TAX1BP1: variants seen among roughly 807,000 people sequenced by gnomAD.
TAX1BP1 encodes Tax1 binding protein 1.
In TAX1BP1, 62 loss-of-function variants were observed where a neutral mutation model predicts 97.7. The observed-to-expected ratio is 0.63, with a 90% CI of 0.52 to 0.78. The LOEUF is 0.78. Ranked by LOEUF, TAX1BP1 falls within the 30% of genes least tolerant of loss-of-function variation. TAX1BP1 has a pLI of 0.00. For missense variants in TAX1BP1, 867 were observed against 916.1 expected, an observed-to-expected ratio of 0.95 and a Z score of 0.69; for synonymous variants, 340 against 304.2, an observed-to-expected ratio of 1.12 and a Z score of -1.23.
intron 8 of TAX1BP1, 118 bp from the exon 9 acceptor site, chr7:27,791,885 CATG>C: frequency 1.2e-6 from 1 of 823,010 alleles, no homozygotes. Flanking sequence ...CTCTGTAAGT[CATG>C]AGTAGAAAAA....
intron 3 of TAX1BP1, among the ~76,000 whole-genome samples, chr7:27,760,177 A>C (rs1330823995): frequency 1.3e-5 from 2 of 152,002 alleles, no homozygotes; most frequent in African/African-American, 2.4e-5. Flanking sequence ...ATGAAACCCC[A>C]AATCATTTCT....
At chr7:27,793,263 T>C in intron 10 of TAX1BP1, 51 bp downstream of exon 10, 2 of 1,462,330 alleles carry the variant, frequency 1.4e-6, no homozygotes, top group Non-Finnish European at 9.1e-7. Context: ...AGTATTTTTG[T>C]TCGAAAATCA....
At chr7:27,750,987 T>C (rs1787999089) in intron 2 of TAX1BP1, among the ~76,000 whole-genome samples, 1 of 152,202 alleles carries the variant, frequency 6.6e-6, no homozygotes, top group African/African-American at 2.4e-5. Context: ...CTTTCTGTTG[T>C]TTGAAACTCT....
At chr7:27,803,799 C>T (rs1790232409) in intron 13 of TAX1BP1, among the ~76,000 whole-genome samples, 1 of 152,138 alleles carries the variant, frequency 6.6e-6, no homozygotes, top group African/African-American at 2.4e-5. Context: ...ACGGAAAGTA[C>T]CCCTAAAGTT....
intron 2 of TAX1BP1, among the ~76,000 whole-genome samples, chr7:27,752,152 A>G (rs1313124383): frequency 2.0e-5 from 3 of 151,628 alleles, no homozygotes; most frequent in South Asian, 2.1e-4. Flanking sequence ...CTAATTTTCT[A>G]TGTGAGATAA....
At chr7:27,798,792 A>G (rs1218315422) in intron 12 of TAX1BP1, among the ~76,000 whole-genome samples, 2 of 150,980 alleles carry the variant, frequency 1.3e-5, no homozygotes, top group African/African-American at 2.4e-5. Context: ...TAATGACTTG[A>G]TGTTGAGCAT....
chr7:27,779,284 T>C (rs1789154804), intron 5 of TAX1BP1, among the ~76,000 whole-genome samples: 1 of 152,200 alleles, frequency 6.6e-6, no homozygotes, highest in African/African-American at 2.4e-5. Context: ...ACCACTGTGC[T>C]TGGCTCATAT....
At chr7:27,778,391 G>C (rs543481529) in intron 5 of TAX1BP1, among the ~76,000 whole-genome samples, 1 of 151,920 alleles carries the variant, frequency 6.6e-6, no homozygotes, top group Non-Finnish European at 1.5e-5. Flanking sequence ...GTAGCTGCTT[G>C]TACTTTATAT....
At position 27,793,080 on chromosome 7, in the gene TAX1BP1, A is replaced by G. The variant is rs757582108; in HGVS notation, c.1278A>G (p.Thr426=). The G allele has an allele frequency of 4.4e-6, 7 of 1,600,236 alleles. No individual in the cohort carries two copies. Among genetic ancestry groups the G allele is most frequent in the Admixed American group, 1.8e-5 (1 of 55,226 alleles). The change falls in exon 10 of 17, where the codon ACA becomes ACG. Residue 426 remains threonine, a synonymous_variant. Transcript: ENST00000396319. ...AMKKDQDKTD[T]LEHELRREVE... ...TTTCTTTCTAGGACAAGACTGATACACTGGAACACGAACTAAGAAGAGAAG... is the reference window on the plus strand; with the variant it reads ...TTTCTTTCTAGGACAAGACTGATACGCTGGAACACGAACTAAGAAGAGAAG...
At chr7:27,747,070 C>A (rs1292874778) in intron 1 of TAX1BP1, among the ~76,000 whole-genome samples, 2 of 152,134 alleles carry the variant, frequency 1.3e-5, no homozygotes, top group African/African-American at 4.8e-5. Context: ...GTAGAAACTT[C>A]ATTGATTTGT....
chr7:27,808,919 C>G (rs1378015906), intron 13 of TAX1BP1, among the ~76,000 whole-genome samples: 2 of 152,176 alleles, frequency 1.3e-5, no homozygotes, highest in African/African-American at 2.4e-5. Flanking sequence ...CCCAGGGATT[C>G]TTGACCATTT....
Position 27,793,221 on chromosome 7 carries a change from C to A in TAX1BP1, c.1410+9C>A, listed in dbSNP as rs1343983939. 3 of 1,562,978 alleles carry A rather than the reference C, an allele frequency of 1.9e-6. No homozygotes were observed. Among genetic ancestry groups the A allele is most frequent in the South Asian group, 1.2e-5 (1 of 82,718 alleles). Reference sequence around the variant, plus strand: ...AACTTTCAGATCAATCAGTAAGTATCATTAAATTTACACATAGTAAAATGT... The same window carrying A: ...AACTTTCAGATCAATCAGTAAGTATAATTAAATTTACACATAGTAAAATGT... On this transcript the variant is annotated intron_variant, in intron 10 of 16. Transcript: ENST00000396319.
intron 2 of TAX1BP1, among the ~76,000 whole-genome samples, chr7:27,753,420 A>T (rs1235045402): frequency 6.6e-6 from 1 of 152,216 alleles, no homozygotes; most frequent in Admixed American, 6.5e-5. Flanking sequence ...TGTGTTTATG[A>T]ATTTGATTTG....
intron 16 of TAX1BP1, among the ~76,000 whole-genome samples, chr7:27,828,424 A>C (rs1236997868): frequency 6.6e-6 from 1 of 152,172 alleles, no homozygotes; most frequent in Non-Finnish European, 1.5e-5. Context: ...TGTAAAATTG[A>C]ATTTAGAGGC....
chr7:27,823,068 A>G (rs1335616858), intron 15 of TAX1BP1, among the ~76,000 whole-genome samples: 1 of 152,146 alleles, frequency 6.6e-6, no homozygotes, highest in Non-Finnish European at 1.5e-5. Flanking sequence ...TTGCAAAATT[A>G]TTTTCTTTCT....
At chr7:27,747,140 A>G (rs1787852366) in intron 1 of TAX1BP1, among the ~76,000 whole-genome samples, 1 of 152,234 alleles carries the variant, frequency 6.6e-6, no homozygotes, top group Non-Finnish European at 1.5e-5. Flanking sequence ...CCATTATTAC[A>G]GAGATGCCTG....
chr7:27,817,355 C>T (rs971582357), intron 15 of TAX1BP1, among the ~76,000 whole-genome samples: 12 of 152,186 alleles, frequency 7.9e-5, no homozygotes, highest in Non-Finnish European at 1.5e-4. Flanking sequence ...CACTAAGTAA[C>T]TTACTATATT....
intron 5 of TAX1BP1, 74 bp downstream of exon 5, chr7:27,769,908 C>A: frequency 6.9e-7 from 1 of 1,442,736 alleles, no homozygotes; most frequent in Non-Finnish European, 9.5e-7. Flanking sequence ...AAGAGCTGAA[C>A]CAATTAAGTA....
intron 5 of TAX1BP1, among the ~76,000 whole-genome samples, chr7:27,776,525 C>G (rs1291769935): frequency 6.6e-6 from 1 of 151,814 alleles, no homozygotes; most frequent in African/African-American, 2.4e-5. Context: ...TATTTTTCTT[C>G]CTTTATATTT....
Sources: allele counts gnomAD v4.1 joint callset (sites outside exome capture counted in the v4.1 genomes callset), GRCh38; gene constraint gnomAD v4.1.1; transcripts MANE v1.5; gene names NCBI Gene and HGNC (gene_info 2026-07-23, HGNC 2026-07-21).